Variants in DOCK8 observed in about 807,000 individuals in gnomAD.
DOCK8 encodes the protein dedicator of cytokinesis 8.
DOCK8 carries 141 observed loss-of-function variants against 245.6 expected under a neutral mutation model. That is an observed-to-expected ratio of 0.57 (90% CI 0.50 to 0.66). The LOEUF (loss-of-function observed/expected upper bound fraction) is 0.66, where lower values mean the gene tolerates loss of function less well. Among genes scored for constraint, DOCK8 ranks in the 30% least tolerant of loss-of-function variants. The probability of loss-of-function intolerance (pLI) is 0.00; values close to 1 mark genes in which losing one functional copy is unlikely to be tolerated. For missense variants in DOCK8, 2,965 were observed against 2,603.4 expected, an observed-to-expected ratio of 1.14 and a Z score of -3.02; for synonymous variants, 1,168 against 970.2, an observed-to-expected ratio of 1.20 and a Z score of -3.79.
chr9:463,182 A>G (rs2057859637), intron 46 of DOCK8, among the ~76,000 whole-genome samples: 1 of 152,010 alleles, frequency 6.6e-6, no homozygotes, highest in South Asian at 2.1e-4. Context: ...ACTGGGGCCC[A>G]GGAGGTCGAA....
At chr9:343,045 T>G (rs1244524414) in intron 14 of DOCK8, among the ~76,000 whole-genome samples, 1 of 152,188 alleles carries the variant, frequency 6.6e-6, no homozygotes, top group Admixed American at 6.5e-5. Flanking sequence ...AGAATTCCCA[T>G]TTTCCAGTTC....
chr9:293,880 A>G (rs951682682), intron 4 of DOCK8, among the ~76,000 whole-genome samples: 3 of 152,170 alleles, frequency 2.0e-5, no homozygotes, highest in Non-Finnish European at 4.4e-5. Context: ...ATTGTTTTGA[A>G]AGAAATCAAG....
Position 400,940 on chromosome 9 carries a change from A to C in DOCK8, c.3234+1681A>C, listed in dbSNP as rs866499695. ...CTTCACCATCACCACAACATCCACC[A>C]CCACCATCACCACCACCACCACCAC... On this transcript the variant is annotated intron_variant, in intron 26 of 47. Coordinates refer to ENST00000432829, the MANE Select transcript of DOCK8 (RefSeq NM_203447.4). Among the ~76,000 whole-genome samples, 121 of 55,688 alleles carry C rather than the reference A, an allele frequency of 2.2e-3. 45 individuals carry two copies. In the African/African-American group the frequency reaches 0.042, roughly 19 times the overall value. 36.5% of individuals were successfully genotyped at this position (55,688 alleles called of 152,430 possible).
intron 22 of DOCK8, 143 bp downstream of exon 22, chr9:382,828 C>T (rs2053779644): frequency 8.9e-6 from 10 of 1,119,108 alleles, no homozygotes; most frequent in Middle Eastern, 2.1e-4. Context: ...GAGTGATTAA[C>T]GTTCTTTAGA....
rs1423105507 is a variant in DOCK8, at chr9:441,266, G to T, written c.5224-20G>T. On this transcript the variant is annotated intron_variant, in intron 40 of 47. Transcript: ENST00000432829. Reference sequence around the variant, plus strand: ...TCCAGTGGATTAAATTCTCTCTGATGCTCTTCTCCTCTTTCCAAGGGAGGC... The same window carrying T: ...TCCAGTGGATTAAATTCTCTCTGATTCTCTTCTCCTCTTTCCAAGGGAGGC... 6.2e-7 allele frequency: 1 copy of T among 1,614,042 alleles called. No individual in the cohort carries two copies. The highest frequency in any genetic ancestry group is 1.7e-5 in the Admixed American group (1 of 60,028).
Position 368,300 on chromosome 9 carries a change from G to A in DOCK8, c.1797+165G>A, listed in dbSNP as rs146866200. 3.0e-5 allele frequency: 23 copies of A among 766,414 alleles called. 1 individual carries two copies. In the African/African-American group the frequency reaches 3.2e-4, roughly 11 times the overall value. 47.5% of individuals were successfully genotyped at this position (766,414 alleles called of 1,614,324 possible). The stretch of plus-strand genomic sequence containing the variant: ...GCCCAGGATATCAGTGGGGAAACAG[G>A]GTCAGTCTTACTTGACGATCTCTTT... On this transcript the variant is annotated intron_variant, in intron 15 of 47. Coordinates refer to ENST00000432829, the MANE Select transcript of DOCK8 (RefSeq NM_203447.4).
At chr9:248,881 A>G (rs1194634028) in intron 1 of DOCK8, among the ~76,000 whole-genome samples, 2 of 152,194 alleles carry the variant, frequency 1.3e-5, no homozygotes, top group Non-Finnish European at 2.9e-5. Flanking sequence ...CAGAAACATC[A>G]TAATCTTAAG....
chr9:303,947 A>G (rs1489051929), intron 4 of DOCK8, among the ~76,000 whole-genome samples: 1 of 152,162 alleles, frequency 6.6e-6, no homozygotes, highest in African/African-American at 2.4e-5. Context: ...TCTAGTCATC[A>G]CTTGACAACT....
chr9:232,652 C>A (rs985864983), intron 1 of DOCK8, among the ~76,000 whole-genome samples: 4 of 152,224 alleles, frequency 2.6e-5, no homozygotes. Flanking sequence ...GGAATTTATC[C>A]ATTTCTTCTA....
intron 28 of DOCK8, among the ~76,000 whole-genome samples, chr9:410,698 G>A (rs2055681127): frequency 6.6e-6 from 1 of 152,190 alleles, no homozygotes; most frequent in Non-Finnish European, 1.5e-5. Flanking sequence ...AAAGCAGGAA[G>A]ATGGCAGGGA....
At chr9:455,483 C>T (rs2057606242) in intron 46 of DOCK8, among the ~76,000 whole-genome samples, 1 of 152,138 alleles carries the variant, frequency 6.6e-6, no homozygotes, top group Non-Finnish European at 1.5e-5. Context: ...GCACTCCAGC[C>T]TGGGTGACAG....
chr9:386,601 A>C (rs758943406), intron 23 of DOCK8, among the ~76,000 whole-genome samples, 175 bp downstream of exon 23: 7 of 152,148 alleles, frequency 4.6e-5, no homozygotes, highest in African/African-American at 1.2e-4. Flanking sequence ...ACATTTGACC[A>C]CCTAATTGCC....
intron 26 of DOCK8, among the ~76,000 whole-genome samples, chr9:400,998 C>T (rs1269011961): frequency 6.8e-5 from 10 of 147,928 alleles, no homozygotes; most frequent in Non-Finnish European, 6.0e-5. Flanking sequence ...TCCACCACCA[C>T]CACCATTAGC....
intron 2 of DOCK8, among the ~76,000 whole-genome samples, chr9:278,295 A>G (rs2048438878): frequency 6.6e-6 from 1 of 152,254 alleles, no homozygotes; most frequent in Non-Finnish European, 1.5e-5. Flanking sequence ...GAGAGTGTTT[A>G]GTCCATAAAG....
chr9:252,809 A>AAC (rs1291434194), intron 1 of DOCK8, among the ~76,000 whole-genome samples: 18 of 151,850 alleles, frequency 1.2e-4, no homozygotes, highest in Admixed American at 1.2e-3. Flanking sequence ...AAAAAAAAAA[A>AAC]AGTCCTATGT....
At chr9:260,163 C>T (rs960310470) in intron 1 of DOCK8, among the ~76,000 whole-genome samples, 8 of 152,218 alleles carry the variant, frequency 5.3e-5, no homozygotes, top group Non-Finnish European at 1.2e-4. Context: ...CTGTTCCAGA[C>T]CTGTTTATCC....
rs1179633399 is a variant in DOCK8, at chr9:214,949, C to T, written c.-28C>T. On this transcript the variant is annotated 5_prime_UTR_variant, in exon 1 of 48. Coordinates refer to ENST00000432829, the MANE Select transcript of DOCK8 (RefSeq NM_203447.4). Reference sequence around the variant, plus strand: ...CCCCCGCTTTCCGCACCCCGCGACCCTAGAAGCCACCGAACCGCCGGCGGG... The same window carrying T: ...CCCCCGCTTTCCGCACCCCGCGACCTTAGAAGCCACCGAACCGCCGGCGGG... 1 of 1,603,416 alleles carries T rather than the reference C, an allele frequency of 6.2e-7. No homozygotes were observed. Among genetic ancestry groups the T allele is most frequent in the Non-Finnish European group, 8.5e-7 (1 of 1,176,918 alleles).
chr9:358,944 A>G (rs912540888), intron 14 of DOCK8, among the ~76,000 whole-genome samples: 1 of 152,238 alleles, frequency 6.6e-6, no homozygotes, highest in African/African-American at 2.4e-5. Context: ...TAAGATTCAT[A>G]TATCTGCCAA....
chr9:375,775 T>C (rs1338921581), intron 18 of DOCK8, among the ~76,000 whole-genome samples: 1 of 152,172 alleles, frequency 6.6e-6, no homozygotes, highest in African/African-American at 2.4e-5. Context: ...AGTGGGCAGA[T>C]CACTTGAGCC....
Sources: gnomAD v4.1 joint callset for allele counts (sites outside exome capture counted in the v4.1 genomes callset) on GRCh38, gnomAD v4.1.1 for gene constraint, MANE v1.5 for transcripts, NCBI Gene and HGNC (gene_info 2026-07-23, HGNC 2026-07-21) for gene names.